Variants in TP53BP1 observed in about 807,000 individuals in gnomAD.
The protein encoded by TP53BP1 is tumor protein p53 binding protein 1.
A neutral mutation model predicts 200.8 loss-of-function variants in TP53BP1; 61 were observed. That is an observed-to-expected ratio of 0.30 (90% CI 0.25 to 0.38). The LOEUF (loss-of-function observed/expected upper bound fraction) is 0.38. TP53BP1 is among the 10% of genes least tolerant of loss of function. TP53BP1 has a pLI of 1.00. For missense variants in TP53BP1, 2,144 were observed against 2,371.9 expected, an observed-to-expected ratio of 0.90 and a Z score of 2.00; for synonymous variants, 822 against 844.3, an observed-to-expected ratio of 0.97 and a Z score of 0.46.
chr15:43,432,163 G>T, intron 17 of TP53BP1, 31 bp downstream of exon 17: 1 of 1,575,186 alleles, frequency 6.3e-7, no homozygotes, highest in Non-Finnish European at 8.6e-7. Context: ...TAAAAACAAG[G>T]CCTCTGATGC....
Position 43,407,435 on chromosome 15 carries a change from C to T in TP53BP1, c.5882G>A (p.Arg1961Lys), listed in dbSNP as rs763713800. Residue 1961 changes from arginine (R) to lysine (K), a missense_variant, in exon 28 of 28, where the codon AGA (arginine) becomes AAA (lysine). Arg to Lys is a conservative substitution (Grantham distance 26). Coordinates refer to ENST00000382044, the MANE Select transcript of TP53BP1 (RefSeq NM_001141980.3). ...TTTTGGATGCTGCTTGAATCCAATT[C>T]TCTCCCCAACAATGAGGCACTGGAT... The part of the protein sequence containing the change: ...WVIQCLIVGE[R>K]IGFKQHPKYK... 2.7e-5 allele frequency: 44 copies of T among 1,614,046 alleles called. No homozygotes were observed. The highest frequency in any genetic ancestry group is 1.6e-4 in the Middle Eastern group (1 of 6,084).
Position 43,470,739 on chromosome 15 carries a change from T to C in TP53BP1, c.1181-673A>G, listed in dbSNP as rs192546671. 5.9e-4 allele frequency among the ~76,000 whole-genome samples: 90 copies of C among 152,324 alleles called. 1 individual carries two copies. The East Asian group carries it at 0.01, about 18-fold the overall frequency. The stretch of plus-strand genomic sequence containing the variant: ...CACCTGTAGGCTATCAGGAACTTGC[T>C]TGGAGTCAGCCCAGCTAGCTAAGTA... On this transcript the variant is annotated intron_variant, in intron 10 of 27. Coordinates refer to ENST00000382044, the MANE Select transcript of TP53BP1 (RefSeq NM_001141980.3).
At chr15:43,408,871 A>G (rs1260879561) in intron 26 of TP53BP1, 26 bp downstream of exon 26, 16 of 1,611,896 alleles carry the variant, frequency 9.9e-6, no homozygotes, top group Non-Finnish European at 1.4e-5. Flanking sequence ...TGCCTATACA[A>G]TTCTGGATGG....
chr15:43,431,921 C>T (rs1021805501), intron 17 of TP53BP1, among the ~76,000 whole-genome samples: 4 of 152,180 alleles, frequency 2.6e-5, no homozygotes, highest in Admixed American at 1.3e-4. Context: ...TTACAGGACC[C>T]AGGCAGAATC....
chr15:43,483,951 G>A (rs1376407641), intron 4 of TP53BP1, among the ~76,000 whole-genome samples: 2 of 152,266 alleles, frequency 1.3e-5, no homozygotes, highest in East Asian at 3.9e-4. Context: ...TCATGGTTTA[G>A]AATACTACCT....
In TP53BP1 at chr15:43,466,250, C is replaced by G. The variant is rs962607792; in HGVS notation, c.1389+3608G>C. ...GCACCAGGCATAGAGGGCAACAGTA[C>G]AGATTAGAAATCAGGAGGGTCCAAA... On this transcript the variant is annotated intron_variant, in intron 11 of 27. Coordinates refer to ENST00000382044, the MANE Select transcript of TP53BP1 (RefSeq NM_001141980.3). Among the ~76,000 whole-genome samples, 9 of 152,224 alleles carry G rather than the reference C, an allele frequency of 5.9e-5. No homozygotes were observed. The East Asian group carries it at 1.5e-3, about 26-fold the overall frequency.
chr15:43,432,268 C>T lies in TP53BP1; in HGVS notation c.3601G>A (p.Val1201Ile). 1 of 1,614,184 alleles carries T rather than the reference C, an allele frequency of 6.2e-7. No individual in the cohort carries two copies. The highest frequency in any genetic ancestry group is 8.5e-7 in the Non-Finnish European group (1 of 1,180,022). Residue 1201 changes from valine to isoleucine, a missense_variant, in exon 17 of 28, where the codon GTT becomes ATT. This residue lies in a region of TP53BP1 where 1,700 missense variants were observed against 1,710.3 expected (regional missense o/e 0.99). Transcript: ENST00000382044. ...DQNFGKQDAT[V>I]QTERGSGEKP... ...TCACCACTCCCCCTCTCAGTCTGAA[C>T]TGTGGCATCTTGCTTTCCAAAGTTC...
At chr15:43,500,367 A>G (rs1333869056) in intron 1 of TP53BP1, among the ~76,000 whole-genome samples, 1 of 152,184 alleles carries the variant, frequency 6.6e-6, no homozygotes, top group Admixed American at 6.5e-5. Flanking sequence ...TTCAACAATT[A>G]GCAACAAATG....
rs749575788 is a variant in TP53BP1, at chr15:43,447,488, G to GAAAA, written c.2717-7_2717-4dup. ...CAAAGTGAAATGAAATGGGGTTTCTGAAAAAAAAAAAAAAAAGAAAAAAGA... is the reference window on the plus strand; with the variant it reads ...CAAAGTGAAATGAAATGGGGTTTCTGAAAAAAAAAAAAAAAAAAAAGAAAAAAGA... On this transcript the variant is annotated splice_region_variant and splice_polypyrimidine_tract_variant and intron_variant, in intron 12 of 27. Transcript: ENST00000382044. 78 of 956,342 alleles carry GAAAA rather than the reference G, an allele frequency of 8.2e-5. No homozygotes were observed. Among genetic ancestry groups the GAAAA allele is most frequent in the South Asian group, 4.6e-4 (16 of 34,500 alleles). 59.2% of individuals were successfully genotyped at this position (956,342 alleles called of 1,614,324 possible).
chr15:43,428,128 T>C lies in TP53BP1; in HGVS notation c.3716A>G (p.His1239Arg). The C allele has an allele frequency of 1.9e-6, 3 of 1,613,900 alleles. No homozygotes were observed. The highest frequency in any genetic ancestry group is 2.5e-6 in the Non-Finnish European group (3 of 1,179,826). Residue 1239 changes from histidine (H) to arginine (R), a missense_variant, in exon 18 of 28, where the codon CAT becomes CGT. This residue lies in a region of TP53BP1 where 1,700 missense variants were observed against 1,710.3 expected (regional missense o/e 0.99). Transcript: ENST00000382044. ...EFDMPQPPHGHVLHRHMRTIR... is the reference protein window; with the variant it reads ...EFDMPQPPHGRVLHRHMRTIR... ...TGTTCTCATGTGACGATGTAAGACA[T>C]GGCCATGTGGAGGCTGAGGCATATC...
chr15:43,472,105 A>G (rs989557062), intron 10 of TP53BP1, among the ~76,000 whole-genome samples: 7 of 152,242 alleles, frequency 4.6e-5, no homozygotes, highest in Admixed American at 4.6e-4. Flanking sequence ...TACATGACAG[A>G]TGAAGGCACA....
At chr15:43,495,497 A>T (rs1396868551), upstream of TP53BP1, among the ~76,000 whole-genome samples, 12 of 103,582 alleles carry the variant, frequency 1.2e-4, no homozygotes, top group South Asian at 3.4e-3. Flanking sequence ...AGACTCCGTC[A>T]CACACACACA....
chr15:43,407,804 TTG>T (rs1236878501), intron 27 of TP53BP1, 137 bp downstream of exon 27: 2 of 922,850 alleles, frequency 2.2e-6, no homozygotes, highest in Non-Finnish European at 3.3e-6. Context: ...GACTCACCTC[TTG>T]AAGGTGGTAC....
rs142598945 is a variant in TP53BP1, at chr15:43,469,881, G to C, written c.1366C>G (p.Pro456Ala). ...ACATGAGAAAACTGAGGCTGGGATGGGATAGGAAGTGACCCAGGAGGGAAG... is the reference window on the plus strand; with the variant it reads ...ACATGAGAAAACTGAGGCTGGGATGCGATAGGAAGTGACCCAGGAGGGAAG... ...PVFPPGSLPI[P>A]SQPQFSHDIF... The change falls in exon 11 of 28, where the codon CCA becomes GCA. Residue 456 changes from proline (P) to alanine (A), a missense_variant. By Grantham distance (27) the Pro-to-Ala change is conservative. Around this residue, in one of 4 missense-constraint regions of TP53BP1, gnomAD observed 1,700 missense variants for 1,710.3 expected, o/e 0.99. Coordinates refer to ENST00000382044, the MANE Select transcript of TP53BP1 (RefSeq NM_001141980.3). The C allele has an allele frequency of 1.5e-4, 245 of 1,585,370 alleles. No individual in the cohort carries two copies. Among genetic ancestry groups the C allele is most frequent in the Non-Finnish European group, 2.1e-4 (237 of 1,154,850 alleles).
At chr15:43,425,340 C>T (rs184952460) in intron 18 of TP53BP1, among the ~76,000 whole-genome samples, 1 of 152,272 alleles carries the variant, frequency 6.6e-6, no homozygotes, top group African/African-American at 2.4e-5. Context: ...ACTAAATGGG[C>T]CTAGCAGCAC....
intron 24 of TP53BP1, among the ~76,000 whole-genome samples, chr15:43,410,929 ACT>A (rs1012365596): frequency 6.6e-6 from 1 of 151,818 alleles, no homozygotes; most frequent in African/African-American, 2.4e-5. Flanking sequence ...CAAAACAGAA[ACT>A]CTAAATGGTT....
chr15:43,442,244 C>A (rs758291950), intron 14 of TP53BP1, among the ~76,000 whole-genome samples: 1 of 151,916 alleles, frequency 6.6e-6, no homozygotes, highest in African/African-American at 2.4e-5. Flanking sequence ...CGCCACCACG[C>A]CCGGCTAATT....
At position 43,455,944 on chromosome 15, in the gene TP53BP1, C is replaced by T; in HGVS notation, c.2664G>A (p.Lys888=). 6.2e-7 allele frequency: 1 copy of T among 1,614,194 alleles called. No individual in the cohort carries two copies. The highest frequency in any genetic ancestry group is 8.5e-7 in the Non-Finnish European group (1 of 1,180,046). Residue 888 remains lysine, a synonymous_variant, in exon 12 of 28, where the codon AAG becomes AAA. Coordinates refer to ENST00000382044, the MANE Select transcript of TP53BP1 (RefSeq NM_001141980.3). ...AGGCATGGGCAGAGGGCTTCCCCAG[C>T]TTCTGGGCCTCTGCATCTGAGCTTA... ...KQLSSDAEAQ[K]LGKPSAHASQ...
intron 1 of TP53BP1, among the ~76,000 whole-genome samples, chr15:43,498,580 A>G (rs2079193128): frequency 6.6e-6 from 1 of 152,226 alleles, no homozygotes; most frequent in South Asian, 2.1e-4. Context: ...AAGAATGACA[A>G]TCAAAGTCTC....
Sources: gnomAD v4.1 joint callset for allele counts (sites outside exome capture counted in the v4.1 genomes callset) on GRCh38, gnomAD v4.1.1 for gene constraint, gnomAD v4.1.1 regional missense constraint, MANE v1.5 for transcripts, NCBI Gene and HGNC (gene_info 2026-07-23, HGNC 2026-07-21) for gene names.